GRIN2A: variants seen among roughly 807,000 people sequenced by gnomAD.
GRIN2A encodes glutamate ionotropic receptor NMDA type subunit 2A.
GRIN2A carries 22 observed loss-of-function variants against 113.4 expected under a neutral mutation model. That is an observed-to-expected ratio of 0.19 (90% CI 0.14 to 0.28). The LOEUF (loss-of-function observed/expected upper bound fraction) is 0.28, where lower values mean the gene tolerates loss of function less well. Among genes scored for constraint, GRIN2A ranks in the 10% least tolerant of loss-of-function variants. The pLI, the probability that GRIN2A is intolerant of heterozygous loss-of-function variation, is 1.00. For missense variants in GRIN2A, 1,502 were observed against 1,887.0 expected (o/e 0.80, Z 3.78); for synonymous variants, 827 against 738.4 (o/e 1.12, Z -1.94).
At chr16:9,860,865 C>T (rs374909364) in intron 4 of GRIN2A, among the ~76,000 whole-genome samples, 8 of 152,046 alleles carry the variant, frequency 5.3e-5, no homozygotes, top group African/African-American at 1.2e-4. Context: ...GATCCATGTT[C>T]GATATAGTAT....
chr16:9,763,637 C>G lies in GRIN2A; in HGVS notation c.3907G>C (p.Asp1303His). The G allele has an allele frequency of 1.9e-6, 3 of 1,613,250 alleles. No homozygotes were observed. Among genetic ancestry groups the G allele is most frequent in the Non-Finnish European group, 2.5e-6 (3 of 1,179,984 alleles). ...DNIVDKPREL[D>H]LSRPSRSISL... ...ATGCTCCGGGAGGGCCTGCTAAGGTCTAGCTCCCTAGGTTTGTCGACAATG... is the reference window on the plus strand; with the variant it reads ...ATGCTCCGGGAGGGCCTGCTAAGGTGTAGCTCCCTAGGTTTGTCGACAATG... Residue 1303 changes from aspartate (D) to histidine (H), a missense_variant, in exon 13 of 13, where the codon GAC becomes CAC. Transcript: ENST00000330684.
intron 2 of GRIN2A, among the ~76,000 whole-genome samples, chr16:10,042,142 G>A (rs2047177029): frequency 6.6e-6 from 1 of 152,120 alleles, no homozygotes; most frequent in African/African-American, 2.4e-5. Flanking sequence ...AATTTCTGTT[G>A]TACCACACAT....
At chr16:10,010,604 C>T (rs2046487436) in intron 2 of GRIN2A, among the ~76,000 whole-genome samples, 3 of 152,102 alleles carry the variant, frequency 2.0e-5, no homozygotes, top group African/African-American at 7.2e-5. Flanking sequence ...ATAGGTACTT[C>T]ATAGGTTCAT....
intron 3 of GRIN2A, among the ~76,000 whole-genome samples, chr16:9,937,232 G>T (rs1042663392): frequency 6.6e-6 from 1 of 151,942 alleles, no homozygotes; most frequent in African/African-American, 2.4e-5. Flanking sequence ...GGGTTGGGGC[G>T]GGAGGTGGGG....
chr16:9,858,380 T>C (rs1386172762), intron 4 of GRIN2A, among the ~76,000 whole-genome samples: 1 of 152,208 alleles, frequency 6.6e-6, no homozygotes, highest in Non-Finnish European at 1.5e-5. Context: ...AATACTTTTT[T>C]ATCTCTATTA....
Position 9,938,187 on chromosome 16 carries a change from A to G in GRIN2A, c.779T>C (p.Leu260Ser). Residue 260 changes from leucine to serine, a missense_variant, in exon 3 of 13, where the codon TTG becomes TCG. Leu to Ser is a moderately radical substitution (Grantham distance 145, BLOSUM62 -2). Transcript: ENST00000330684. ...GYDFFWIVPSLVSGNTELIPK... is the reference protein window; with the variant it reads ...GYDFFWIVPSSVSGNTELIPK... The stretch of plus-strand genomic sequence containing the variant: ...GATGAGCTCCGTGTTCCCAGAGACC[A>G]AGCTGGGGACAATCCAGAAGAAATC... The G allele has an allele frequency of 6.2e-7, 1 of 1,613,852 alleles. No homozygotes were observed. The highest frequency in any genetic ancestry group is 8.5e-7 in the Non-Finnish European group (1 of 1,179,764).
chr16:9,766,354 A>G (rs982870346), intron 12 of GRIN2A, among the ~76,000 whole-genome samples: 2 of 152,108 alleles, frequency 1.3e-5, no homozygotes, highest in African/African-American at 4.8e-5. Context: ...ACTCATTTTC[A>G]CTGCTACATT....
At chr16:9,800,666 T>C (rs1903303907) in intron 10 of GRIN2A, among the ~76,000 whole-genome samples, 1 of 152,106 alleles carries the variant, frequency 6.6e-6, no homozygotes, top group African/African-American at 2.4e-5. Context: ...AGAAACACTC[T>C]GAAGCTTTGA....
At chr16:10,170,249 T>G (rs2050014733) in intron 2 of GRIN2A, among the ~76,000 whole-genome samples, 2 of 152,206 alleles carry the variant, frequency 1.3e-5, no homozygotes, top group South Asian at 4.1e-4. Flanking sequence ...ATGTGATAGT[T>G]GGAACAGAGG....
At chr16:10,109,075 G>T (rs886572632) in intron 2 of GRIN2A, among the ~76,000 whole-genome samples, 1 of 135,412 alleles carries the variant, frequency 7.4e-6, no homozygotes, top group East Asian at 2.2e-4. Flanking sequence ...AAGAAGAAAA[G>T]AGACTATCAG....
intron 2 of GRIN2A, among the ~76,000 whole-genome samples, chr16:9,964,011 C>A (rs532266176): frequency 6.6e-6 from 1 of 152,282 alleles, no homozygotes; most frequent in South Asian, 2.1e-4. Context: ...TGTGATAGGG[C>A]ATGTGGTGTC....
At chr16:9,996,603 T>C (rs935627376) in intron 2 of GRIN2A, among the ~76,000 whole-genome samples, 3 of 152,224 alleles carry the variant, frequency 2.0e-5, no homozygotes, top group African/African-American at 7.2e-5. Flanking sequence ...CCAACTTCAT[T>C]TGTCTACACA....
intron 9 of GRIN2A, among the ~76,000 whole-genome samples, chr16:9,822,995 G>A (rs529306062): frequency 1.1e-4 from 16 of 152,054 alleles, no homozygotes; most frequent in Admixed American, 2.6e-4. Flanking sequence ...TTTATCTAGT[G>A]CCTAACATTC....
intron 3 of GRIN2A, among the ~76,000 whole-genome samples, chr16:9,927,741 T>C (rs931715151): frequency 9.2e-5 from 14 of 152,202 alleles, no homozygotes; most frequent in Non-Finnish European, 4.4e-5. Context: ...TTAGATAATA[T>C]AACCTATGAA....
At chr16:10,070,389 T>C (rs572338128) in intron 2 of GRIN2A, among the ~76,000 whole-genome samples, 140 of 152,350 alleles carry the variant, frequency 9.2e-4, no homozygotes, top group Non-Finnish European at 1.6e-3. Flanking sequence ...CTTGCTGAAC[T>C]GGAATCTGCA....
At chr16:10,078,354 T>C (rs1303790765) in intron 2 of GRIN2A, among the ~76,000 whole-genome samples, 1 of 151,438 alleles carries the variant, frequency 6.6e-6, no homozygotes, top group Non-Finnish European at 1.5e-5. Flanking sequence ...GTGGGTATAA[T>C]GCCCACTTCA....
chr16:9,791,558 G>T (rs965733105), intron 11 of GRIN2A, among the ~76,000 whole-genome samples: 1 of 152,190 alleles, frequency 6.6e-6, no homozygotes, highest in East Asian at 1.9e-4. Context: ...TGCCTGAGCT[G>T]TGGGACTGTC....
chr16:9,941,499 T>C (rs781042092), intron 2 of GRIN2A, among the ~76,000 whole-genome samples: 2 of 152,206 alleles, frequency 1.3e-5, no homozygotes, highest in African/African-American at 4.8e-5. Flanking sequence ...CAAAAACCCT[T>C]GCTTTGTGCT....
chr16:10,163,605 C>A (rs1351109488), intron 2 of GRIN2A, among the ~76,000 whole-genome samples: 1 of 151,592 alleles, frequency 6.6e-6, no homozygotes, highest in Admixed American at 6.6e-5. Context: ...CCCCAAGTGC[C>A]CCCTGCCACT....
Sources: gnomAD v4.1 joint callset for allele counts (sites outside exome capture counted in the v4.1 genomes callset) on GRCh38, gnomAD v4.1.1 for gene constraint, MANE v1.5 for transcripts, NCBI Gene and HGNC (gene_info 2026-07-23, HGNC 2026-07-21) for gene names.